NDUFA12: variants seen among roughly 807,000 people sequenced by gnomAD.
NDUFA12 encodes NADH:ubiquinone oxidoreductase subunit A12, also known as NADH dehydrogenase [ubiquinone] 1 alpha subcomplex subunit 12.
In NDUFA12, 17 loss-of-function variants were observed where a neutral mutation model predicts 20.3. The observed-to-expected ratio is 0.84, with a 90% CI of 0.57 to 1.26. The LOEUF is 1.26. Ranked by LOEUF, NDUFA12 falls within the 50% of genes most tolerant of loss-of-function variation. The probability of loss-of-function intolerance (pLI) is 0.00; values close to 1 mark genes in which losing one functional copy is unlikely to be tolerated. For missense variants in NDUFA12, 191 were observed against 183.7 expected (o/e 1.04, Z -0.23); for synonymous variants, 72 against 63.6 (o/e 1.13, Z -0.63).
chr12:94,972,680 A>G (rs538671684), intron 3 of NDUFA12, among the ~76,000 whole-genome samples: 1 of 152,344 alleles, frequency 6.6e-6, no homozygotes, highest in Admixed American at 6.5e-5. Context: ...CCTGGGCAAC[A>G]TAGTGAGACC....
In NDUFA12 at chr12:94,971,466, T is replaced by C. The variant is rs753910749; in HGVS notation, c.412A>G (p.Ile138Val). 1.2e-6 allele frequency: 2 copies of C among 1,614,202 alleles called. No individual in the cohort carries two copies. Among genetic ancestry groups the C allele is most frequent in the African/African-American group, 1.3e-5 (1 of 75,054 alleles). ...TACTTGTAAGGTGTTGAAGGTGGGA[T>C]CCACTCCTGAATCTTCTTTCTAGTG... ...STTRKKIQEW[I>V]PPSTPYK The change falls in exon 4 of 4, where the codon ATC becomes GTC. Residue 138 changes from isoleucine to valine, a missense_variant. Ile to Val is a conservative substitution (Grantham distance 29, BLOSUM62 3). Coordinates refer to ENST00000327772, the MANE Select transcript of NDUFA12 (RefSeq NM_018838.5).
rs1304751059 is a variant in NDUFA12 at position 95,001,456 on chromosome 12, C to CA, written c.169+1282dup. ...GAAACATAGCAAGACCTCGTCTCTC[C>CA]AAAAAAAAATTTTTTTAAACAATTA... On this transcript the variant is annotated intron_variant, in intron 2 of 3. Coordinates refer to ENST00000327772, the MANE Select transcript of NDUFA12 (RefSeq NM_018838.5). 2.6e-5 allele frequency among the ~76,000 whole-genome samples: 4 copies of CA among 151,350 alleles called. No homozygotes were observed. In the East Asian group the frequency reaches 7.8e-4, roughly 29 times the overall value.
chr12:94,989,687 G>C (rs138394071), intron 3 of NDUFA12, among the ~76,000 whole-genome samples: 5 of 152,222 alleles, frequency 3.3e-5, no homozygotes, highest in African/African-American at 1.2e-4. Flanking sequence ...GCACCTGCTG[G>C]AGTGATCTTC....
intron 3 of NDUFA12, among the ~76,000 whole-genome samples, chr12:94,973,367 A>T (rs1565812174): frequency 6.6e-6 from 1 of 152,172 alleles, no homozygotes. Context: ...GGACCAATAA[A>T]CTGTAACCAT....
chr12:94,998,149 T>C (rs535160798), intron 2 of NDUFA12, among the ~76,000 whole-genome samples: 3 of 152,228 alleles, frequency 2.0e-5, no homozygotes, highest in African/African-American at 7.2e-5. Flanking sequence ...ATCAAGTGGG[T>C]TGAATACTAG....
chr12:94,998,061 A>C (rs929582297), intron 2 of NDUFA12, among the ~76,000 whole-genome samples: 10 of 152,222 alleles, frequency 6.6e-5, no homozygotes, highest in African/African-American at 2.4e-4. Context: ...TCCCTGATGA[A>C]CACAGATGCA....
chr12:94,996,132 C>T (rs971929859), intron 2 of NDUFA12, among the ~76,000 whole-genome samples: 3 of 150,104 alleles, frequency 2.0e-5, no homozygotes, highest in African/African-American at 4.9e-5. Flanking sequence ...CACTTGAGCA[C>T]GGGAGGCAGA....
chr12:95,003,125 T>C (rs1372735809), intron 1 of NDUFA12, among the ~76,000 whole-genome samples: 8 of 152,228 alleles, frequency 5.3e-5, no homozygotes, highest in Non-Finnish European at 7.4e-5. Flanking sequence ...CTTCTTACAA[T>C]GATACGAAGG....
chr12:94,976,821 G>A (rs1874078341), intron 3 of NDUFA12, among the ~76,000 whole-genome samples: 1 of 152,102 alleles, frequency 6.6e-6, no homozygotes, highest in South Asian at 2.1e-4. Context: ...CATTCACCAA[G>A]AGTAATACAT....
At chr12:94,980,816 G>GTT (rs199682565) in intron 3 of NDUFA12, among the ~76,000 whole-genome samples, 3 of 146,330 alleles carry the variant, frequency 2.1e-5, no homozygotes, top group Non-Finnish European at 4.5e-5. Context: ...GTCTTGCTTT[G>GTT]TTTTTTTTTT....
intron 3 of NDUFA12, among the ~76,000 whole-genome samples, chr12:94,977,405 G>A (rs1253560239): frequency 1.3e-5 from 2 of 151,976 alleles, no homozygotes; most frequent in Admixed American, 1.3e-4. Flanking sequence ...CCAGGATTTT[G>A]AGGTTGCAGT....
intron 3 of NDUFA12, among the ~76,000 whole-genome samples, chr12:94,973,968 C>CTTT (rs35862087): frequency 1.9e-3 from 190 of 100,926 alleles, no homozygotes; most frequent in Middle Eastern, 5.6e-3. Flanking sequence ...ACTCTTGGGT[C>CTTT]TTTTTTTTTT....
At chr12:95,001,880 T>G (rs921822020) in intron 2 of NDUFA12, among the ~76,000 whole-genome samples, 1 of 151,852 alleles carries the variant, frequency 6.6e-6, no homozygotes, top group African/African-American at 2.4e-5. Flanking sequence ...AATTTTTGTA[T>G]TTTTAGTAGC....
At chr12:95,001,947 C>T (rs1382365690) in intron 2 of NDUFA12, among the ~76,000 whole-genome samples, 1 of 152,000 alleles carries the variant, frequency 6.6e-6, no homozygotes, top group Non-Finnish European at 1.5e-5. Context: ...TCGTGATCCG[C>T]CCGCCTCCGC....
intron 3 of NDUFA12, among the ~76,000 whole-genome samples, chr12:94,986,974 A>C (rs1874465136): frequency 2.0e-5 from 3 of 152,274 alleles, no homozygotes; most frequent in Admixed American, 2.0e-4. Flanking sequence ...ACAAATAATG[A>C]ATTAAAGCTT....
chr12:94,994,067 T>A lies in NDUFA12; in HGVS notation c.257+103A>T, dbSNP rs1222061728. On this transcript the variant is annotated intron_variant, in intron 3 of 3. Coordinates refer to ENST00000327772, the MANE Select transcript of NDUFA12 (RefSeq NM_018838.5). ...TGAGCCTGGGAGGTCAAAGCTGACA[T>A]GAGTCATGATCATGTCACTGCACTC... 3.9e-6 allele frequency: 4 copies of A among 1,019,066 alleles called. No homozygotes were observed. In the African/African-American group the frequency reaches 6.3e-5, roughly 16 times the overall value. 63.1% of individuals were successfully genotyped at this position (1,019,066 alleles called of 1,614,324 possible).
At chr12:94,986,085 C>CCAAATAAA (rs1874427123) in intron 3 of NDUFA12, among the ~76,000 whole-genome samples, 1 of 136,174 alleles carries the variant, frequency 7.3e-6, no homozygotes, top group Non-Finnish European at 1.6e-5. Context: ...AACTCTGTCT[C>CCAAATAAA]TAAATAAATA....
chr12:94,997,329 G>C (rs1874868614), intron 2 of NDUFA12: 1 of 152,546 alleles, frequency 6.6e-6, no homozygotes, highest in Non-Finnish European at 1.5e-5. Context: ...GTGAAATGGG[G>C]GCGGAGGAGC....
chr12:94,988,922 C>G (rs1246177367), intron 3 of NDUFA12, among the ~76,000 whole-genome samples: 1 of 152,168 alleles, frequency 6.6e-6, no homozygotes, highest in East Asian at 1.9e-4. Flanking sequence ...CTTACAACAT[C>G]TACATGATTT....
Sources: gnomAD v4.1 joint callset for allele counts (sites outside exome capture counted in the v4.1 genomes callset) on GRCh38, gnomAD v4.1.1 for gene constraint, MANE v1.5 for transcripts, NCBI Gene and HGNC (gene_info 2026-07-23, HGNC 2026-07-21) for gene names.